Variants in TDRD12 observed in about 807,000 individuals in gnomAD.
TDRD12 encodes putative ATP-dependent RNA helicase TDRD12.
A neutral mutation model predicts 133.5 loss-of-function variants in TDRD12; 158 were observed. The observed-to-expected ratio is 1.18, with a 90% confidence interval of 1.04 to 1.35. The LOEUF is 1.35. Among genes scored for constraint, TDRD12 ranks in the 40% most tolerant of loss-of-function variants. The probability of loss-of-function intolerance (pLI) is 0.00; values close to 1 mark genes in which losing one functional copy is unlikely to be tolerated. For synonymous variants in TDRD12, 460 were observed against 477.9 expected (o/e 0.96, Z 0.49); for missense variants, 1,443 against 1,321.3 (o/e 1.09, Z -1.43).
At chr19:32,762,719 A>G (rs924664029) in intron 8 of TDRD12, among the ~76,000 whole-genome samples, 5 of 152,220 alleles carry the variant, frequency 3.3e-5, no homozygotes, top group Non-Finnish European at 7.3e-5. Flanking sequence ...AGAATGACCT[A>G]GTTTGTATAA....
chr19:32,736,249 C>T (rs1469405207), intron 2 of TDRD12, among the ~76,000 whole-genome samples: 1 of 152,130 alleles, frequency 6.6e-6, no homozygotes, highest in Admixed American at 6.6e-5. Context: ...AAAAAGATTC[C>T]TTTCAAAATA....
chr19:32,820,518 G>A (rs1967342486), intron 27 of TDRD12, among the ~76,000 whole-genome samples: 2 of 152,192 alleles, frequency 1.3e-5, no homozygotes, highest in African/African-American at 4.8e-5. Context: ...TATTAAGTAG[G>A]ATAAAATATG....
chr19:32,754,156 T>C (rs1469343021), intron 6 of TDRD12, among the ~76,000 whole-genome samples: 1 of 152,192 alleles, frequency 6.6e-6, no homozygotes, highest in Non-Finnish European at 1.5e-5. Flanking sequence ...TCATTACTTA[T>C]TTTATAACTT....
intron 25 of TDRD12, among the ~76,000 whole-genome samples, chr19:32,815,199 G>A (rs1443749525): frequency 6.6e-6 from 1 of 152,108 alleles, no homozygotes; most frequent in Non-Finnish European, 1.5e-5. Context: ...TCCCAGATTT[G>A]CTCTTGCCAC....
intron 8 of TDRD12, among the ~76,000 whole-genome samples, chr19:32,760,220 C>T (rs1425894160): frequency 6.6e-6 from 1 of 152,110 alleles, no homozygotes; most frequent in Non-Finnish European, 1.5e-5. Flanking sequence ...CTGGAATGAA[C>T]TATGCTTATC....
At chr19:32,748,400 C>A in intron 4 of TDRD12, 76 bp from the exon 5 acceptor site, 1 of 1,405,828 alleles carries the variant, frequency 7.1e-7, no homozygotes, top group Non-Finnish European at 9.7e-7. Flanking sequence ...ATGTCCAGTG[C>A]ATGGTTTACA....
At position 32,826,421 on chromosome 19, in the gene TDRD12, CTTTA is replaced by C. The variant is rs1378135738; in HGVS notation, c.896-20_896-17del. The stretch of plus-strand genomic sequence containing the variant: ...AATTTTTAGCATTTTAAAAGGCTGA[CTTTA>C]TTTCTTTTTATAAACCCAGTGCTTG... On this transcript the variant is annotated intron_variant, in intron 8 of 9. Transcript: ENST00000637289. 1 of 1,222,556 alleles carries C rather than the reference CTTTA, an allele frequency of 8.2e-7. No individual in the cohort carries two copies. The highest frequency in any genetic ancestry group is 4.2e-5 in the Admixed American group (1 of 24,090). 75.7% of individuals were successfully genotyped at this position (1,222,556 alleles called of 1,614,324 possible).
At chr19:32,724,470 C>T (rs1323907869) in intron 1 of TDRD12, among the ~76,000 whole-genome samples, 5 of 152,028 alleles carry the variant, frequency 3.3e-5, no homozygotes, top group South Asian at 2.1e-4. Flanking sequence ...TGAGAACATA[C>T]GGTGTTTGGT....
intron 15 of TDRD12, 135 bp from the exon 16 acceptor site, chr19:32,798,173 T>C (rs1314333841): frequency 1.3e-6 from 1 of 769,334 alleles, no homozygotes; most frequent in East Asian, 2.7e-5. Context: ...GCTGGGCATA[T>C]GGGGTTGACT....
chr19:32,791,877 G>A (rs1011098649), intron 13 of TDRD12, among the ~76,000 whole-genome samples: 29 of 151,674 alleles, frequency 1.9e-4, no homozygotes, highest in South Asian at 4.2e-4. Context: ...CCAGTTGGGC[G>A]TTAGTGTCTT....
chr19:32,763,516 C>T (rs1295487965), intron 8 of TDRD12, among the ~76,000 whole-genome samples: 1 of 152,306 alleles, frequency 6.6e-6, no homozygotes, highest in East Asian at 1.9e-4. Context: ...TTCTGATAAA[C>T]TCCAGTAGTT....
exon 10 of TDRD12, chr19:32,828,597 GGCCCCAA>G (rs1276007847): frequency 6.6e-6 from 1 of 152,240 alleles, no homozygotes; most frequent in East Asian, 1.9e-4. Context: ...GTTGTGTGAC[GGCCCCAA>G]GATCTTTATT....
intron 4 of TDRD12, among the ~76,000 whole-genome samples, chr19:32,746,215 TGAGA>T (rs1035328878): frequency 2.9e-4 from 42 of 144,612 alleles, no homozygotes; most frequent in Non-Finnish European, 5.6e-4. Flanking sequence ...ATTCTGTGTG[TGAGA>T]GAGAGAGAGA....
chr19:32,723,914 G>C (rs1968773594), intron 1 of TDRD12, among the ~76,000 whole-genome samples: 1 of 152,150 alleles, frequency 6.6e-6, no homozygotes, highest in Non-Finnish European at 1.5e-5. Flanking sequence ...CTGGAGCGCA[G>C]TGCTGTAATC....
At chr19:32,805,454 A>G (rs560971795) in intron 21 of TDRD12, among the ~76,000 whole-genome samples, 1 of 151,790 alleles carries the variant, frequency 6.6e-6, no homozygotes, top group South Asian at 2.1e-4. Flanking sequence ...ATTTTTCCAT[A>G]TGGATAATGG....
At chr19:32,728,668 A>G (rs1430896978) in intron 1 of TDRD12, among the ~76,000 whole-genome samples, 2 of 134,860 alleles carry the variant, frequency 1.5e-5, no homozygotes, top group African/African-American at 5.6e-5. Context: ...TTTTTGTGAC[A>G]GAGTCTCACT....
chr19:32,734,538 T>A (rs1969166733), intron 2 of TDRD12, among the ~76,000 whole-genome samples: 1 of 138,390 alleles, frequency 7.2e-6, no homozygotes, highest in South Asian at 2.7e-4. Flanking sequence ...ACCTGGCTAA[T>A]TTTTTTGTAT....
At chr19:32,726,714 G>A (rs1306635552) in intron 1 of TDRD12, among the ~76,000 whole-genome samples, 1 of 151,586 alleles carries the variant, frequency 6.6e-6, no homozygotes, top group Non-Finnish European at 1.5e-5. Flanking sequence ...GGTGAGGTGG[G>A]CAATATAGCA....
chr19:32,813,578 G>A (rs888619895), intron 24 of TDRD12, 106 bp from the exon 25 acceptor site: 1 of 637,510 alleles, frequency 1.6e-6, no homozygotes, highest in African/African-American at 1.8e-5. Context: ...GCATTACTGT[G>A]AGGCTCAAAT....
Sources: allele counts gnomAD v4.1 joint callset (sites outside exome capture counted in the v4.1 genomes callset), GRCh38; gene constraint gnomAD v4.1.1; transcripts MANE v1.5; gene names NCBI Gene and HGNC (gene_info 2026-07-23, HGNC 2026-07-21).